Variants in SMG1 observed in about 807,000 individuals in gnomAD.
The protein encoded by SMG1 is serine/threonine-protein kinase SMG1.
In SMG1, 22 loss-of-function variants were observed where a neutral mutation model predicts 419.9. The ratio of observed to expected loss-of-function variants is 0.05; its 90% CI spans 0.04 to 0.07. SMG1 has a LOEUF of 0.07. SMG1 is among the 10% of genes least tolerant of loss of function. SMG1 has a pLI of 1.00. For synonymous variants in SMG1, 1,538 were observed against 1,553.5 expected (o/e 0.99, Z 0.23); for missense variants, 3,185 against 4,342.0 (o/e 0.73, Z 7.49).
At chr16:18,811,738 G>A in intron 62 of SMG1, 23 bp downstream of exon 62, 1 of 1,596,416 alleles carries the variant, frequency 6.3e-7, no homozygotes. Context: ...AAAATGTGTA[G>A]CCCAAGTTTA....
chr16:18,829,918 A>G lies in SMG1; in HGVS notation c.9133+8T>C, dbSNP rs2141208651. ...CTAAAGCTAGTATGTTTACAGGTAG[A>G]ATATTACCTGACAATGTTTTAGAAA... On this transcript the variant is annotated splice_region_variant and intron_variant, in intron 53 of 62. Transcript: ENST00000446231. The G allele has an allele frequency of 6.5e-7, 1 of 1,532,960 alleles. No individual in the cohort carries two copies. Among genetic ancestry groups the G allele is most frequent in the East Asian group, 2.3e-5 (1 of 43,526 alleles). 95.0% of individuals were successfully genotyped at this position (1,532,960 alleles called of 1,614,324 possible).
chr16:18,888,479 T>C (rs1334003480), intron 6 of SMG1, among the ~76,000 whole-genome samples: 2 of 59,660 alleles, frequency 3.4e-5, no homozygotes, highest in Admixed American at 1.6e-4. Flanking sequence ...AAAAAAATCC[T>C]TTTTTTTTTT....
In SMG1 at chr16:18,854,823, G is replaced by T; in HGVS notation, c.4316C>A (p.Ser1439Tyr). Reference sequence around the variant, plus strand: ...CTGTGCCAGCAGTCTTGTTGCAAGGGACACATTCCCTCGTTTTCTAGCAAA... The same window carrying T: ...CTGTGCCAGCAGTCTTGTTGCAAGGTACACATTCCCTCGTTTTCTAGCAAA... Reference protein sequence around the residue: ...AKFARKRGNVSLATRLLAQCS... With the variant: ...AKFARKRGNVYLATRLLAQCS... Residue 1439 changes from serine (S) to tyrosine (Y), a missense_variant, in exon 30 of 63, where the codon TCC becomes TAC. Around this residue, in one of 27 missense-constraint regions of SMG1, gnomAD observed 493 missense variants for 552.9 expected, o/e 0.89. Coordinates refer to ENST00000446231, the MANE Select transcript of SMG1 (RefSeq NM_015092.5). 1 of 1,614,024 alleles carries T rather than the reference G, an allele frequency of 6.2e-7. No individual in the cohort carries two copies. The highest frequency in any genetic ancestry group is 8.5e-7 in the Non-Finnish European group (1 of 1,179,890).
intron 1 of SMG1, among the ~76,000 whole-genome samples, chr16:18,898,239 C>CTATAA (rs1459868202): frequency 6.6e-6 from 1 of 152,162 alleles, no homozygotes; most frequent in Non-Finnish European, 1.5e-5. Flanking sequence ...GGATATCTAA[C>CTATAA]TGGTACAAGT....
chr16:18,923,496 T>C (rs910203769), intron 1 of SMG1, among the ~76,000 whole-genome samples: 3 of 151,756 alleles, frequency 2.0e-5, no homozygotes, highest in African/African-American at 7.3e-5. Flanking sequence ...ATACAAAAAT[T>C]AGCTGGACGC....
intron 1 of SMG1, among the ~76,000 whole-genome samples, chr16:18,906,604 T>TC (rs575231777): frequency 1.3e-4 from 19 of 149,656 alleles, no homozygotes; most frequent in Middle Eastern, 3.4e-3. Context: ...CTGAACTAAA[T>TC]CCCCCCCATA....
At chr16:18,889,783 A>G (rs114936188) in intron 5 of SMG1, among the ~76,000 whole-genome samples, 198 bp from the exon 6 acceptor site, 10,018 of 152,236 alleles carry the variant, frequency 0.066, 1,106 homozygotes, top group African/African-American at 0.23. Flanking sequence ...TATCTGTCTG[A>G]TATTACTTTC....
At chr16:18,867,173 CCA>C (rs1481084309) in intron 22 of SMG1, among the ~76,000 whole-genome samples, 1 of 152,118 alleles carries the variant, frequency 6.6e-6, no homozygotes, top group African/African-American at 2.4e-5. Flanking sequence ...TTTTTGGATT[CCA>C]GTTATTTATT....
intron 50 of SMG1, 40 bp downstream of exon 50, chr16:18,834,164 G>GT: frequency 1.4e-6 from 2 of 1,392,654 alleles, no homozygotes; most frequent in Non-Finnish European, 2.0e-6. Context: ...ACAATATTCA[G>GT]TATCTAAAAC....
intron 13 of SMG1, chr16:18,875,907 T>C: frequency 1.8e-6 from 1 of 559,734 alleles, no homozygotes; most frequent in South Asian, 2.8e-5. Flanking sequence ...TAAAAAAACT[T>C]ATCAAGATTT....
At chr16:18,832,866 A>T in intron 51 of SMG1, 74 bp downstream of exon 51, 2 of 1,301,540 alleles carry the variant, frequency 1.5e-6, no homozygotes, top group Non-Finnish European at 2.2e-6. Context: ...AACTTACGTT[A>T]AAGAGCTCAG....
intron 35 of SMG1, 22 bp downstream of exon 35, chr16:18,849,927 A>G: frequency 4.4e-6 from 7 of 1,596,102 alleles, no homozygotes; most frequent in Non-Finnish European, 6.0e-6. Context: ...ATTTTTCCTG[A>G]AACATTTTAT....
intron 1 of SMG1, 50 bp from the exon 2 acceptor site, chr16:18,897,006 A>G (rs2037159246): frequency 1.1e-5 from 14 of 1,298,816 alleles, no homozygotes; most frequent in African/African-American, 6.0e-5. Flanking sequence ...ACATAAATAA[A>G]TATTTCTTTA....
chr16:18,860,950 T>C (rs1453178616), intron 25 of SMG1, 174 bp from the exon 26 acceptor site: 4 of 504,392 alleles, frequency 7.9e-6, no homozygotes, highest in Admixed American at 7.2e-5. Context: ...AAGATGTGAC[T>C]ACCACTTAAT....
chr16:18,917,868 C>T (rs1174001019), intron 1 of SMG1, among the ~76,000 whole-genome samples: 2 of 151,812 alleles, frequency 1.3e-5, no homozygotes, highest in Non-Finnish European at 2.9e-5. Context: ...TGAGCCACCA[C>T]GCCCAGCCCA....
chr16:18,894,431 A>C (rs188148234), intron 3 of SMG1, among the ~76,000 whole-genome samples: 73 of 152,276 alleles, frequency 4.8e-4, no homozygotes, highest in Admixed American at 4.6e-3. Flanking sequence ...TCACTAGCAA[A>C]CTACATGACC....
At chr16:18,900,750 C>A (rs1346512629) in intron 1 of SMG1, among the ~76,000 whole-genome samples, 1 of 152,142 alleles carries the variant, frequency 6.6e-6, no homozygotes, top group African/African-American at 2.4e-5. Context: ...TACTTATTCT[C>A]TAAAGTAGCA....
At chr16:18,886,222 T>C (rs1449661641) in intron 6 of SMG1, among the ~76,000 whole-genome samples, 1 of 151,968 alleles carries the variant, frequency 6.6e-6, no homozygotes, top group Non-Finnish European at 1.5e-5. Flanking sequence ...CAATCCGAAA[T>C]ATAAAGCAAA....
chr16:18,888,137 G>A (rs1034650960), intron 6 of SMG1, among the ~76,000 whole-genome samples: 3 of 132,500 alleles, frequency 2.3e-5, no homozygotes, highest in Non-Finnish European at 4.7e-5. Context: ...TGCACTCCAG[G>A]CTGGACAACA....
Sources: gnomAD v4.1 joint callset for allele counts (sites outside exome capture counted in the v4.1 genomes callset) on GRCh38, gnomAD v4.1.1 for gene constraint, gnomAD v4.1.1 regional missense constraint, MANE v1.5 for transcripts, NCBI Gene and HGNC (gene_info 2026-07-23, HGNC 2026-07-21) for gene names.